The following ENPP6 variants were observed in gnomAD, a reference collection of about 807,000 sequenced individuals.
ENPP6 encodes the protein ectonucleotide pyrophosphatase/phosphodiesterase 6.
A neutral mutation model predicts 42.0 loss-of-function variants in ENPP6; 32 were observed. That is an observed-to-expected ratio of 0.76 (90% CI 0.58 to 1.02). The LOEUF (loss-of-function observed/expected upper bound fraction) is 1.02. Among genes scored for constraint, ENPP6 ranks in the 50% least tolerant of loss-of-function variants. The pLI, the probability that ENPP6 is intolerant of heterozygous loss-of-function variation, is 0.00. For missense variants in ENPP6, 552 were observed against 566.8 expected (o/e 0.97, Z 0.27); for synonymous variants, 213 against 216.0 (o/e 0.99, Z 0.12).
intron 1 of ENPP6, among the ~76,000 whole-genome samples, chr4:184,165,628 T>C (rs2310043): frequency 0.75 from 114,392 of 152,126 alleles, 43,525 homozygotes; most frequent in African/African-American, 0.83. Context: ...CAAAGTTTAC[T>C]GTAAATACCT....
Position 184,097,255 on chromosome 4 carries a change from G to A in ENPP6, c.1107C>T (p.Ala369=), listed in dbSNP as rs754498354. The A allele has an allele frequency of 1.4e-4, 220 of 1,614,188 alleles. 1 individual carries two copies. The East Asian group carries it at 4.8e-3, about 35-fold the overall frequency. Reference sequence around the variant, plus strand: ...CATTTCCTCGCCTACCAGGTCCGAAGGCCAGGAAGATGCCCCGCATGTCCA... The same window carrying A: ...CATTTCCTCGCCTACCAGGTCCGAAAGCCAGGAAGATGCCCCGCATGTCCA... The part of the protein sequence containing the change: ...ELMDMRGIFL[A]FGPDFKSNFR... The change falls in exon 7 of 8, where the codon GCC becomes GCT. Residue 369 remains alanine, a synonymous_variant. Transcript: ENST00000296741.
At chr4:184,132,012 A>T (rs1736645342) in intron 2 of ENPP6, among the ~76,000 whole-genome samples, 1 of 152,178 alleles carries the variant, frequency 6.6e-6, no homozygotes, top group Admixed American at 6.5e-5. Context: ...CAGAAGATGG[A>T]TGTCCCAGCT....
intron 1 of ENPP6, among the ~76,000 whole-genome samples, chr4:184,169,150 C>T (rs998932963): frequency 6.6e-6 from 1 of 152,210 alleles, no homozygotes; most frequent in Admixed American, 6.5e-5. Context: ...CTCCTGCGCC[C>T]TGCATGGCCC....
chr4:184,107,049 A>G (rs1736109533), intron 6 of ENPP6, among the ~76,000 whole-genome samples: 1 of 152,152 alleles, frequency 6.6e-6, no homozygotes, highest in Admixed American at 6.5e-5. Context: ...GCCCACCGTG[A>G]CATTGTGACA....
chr4:184,162,084 C>G (rs974322327), intron 1 of ENPP6, among the ~76,000 whole-genome samples: 3 of 151,992 alleles, frequency 2.0e-5, no homozygotes, highest in African/African-American at 7.2e-5. Flanking sequence ...ACAACTGCCC[C>G]CCTCCCCGCA....
chr4:184,195,280 C>T (rs985170688), intron 1 of ENPP6, among the ~76,000 whole-genome samples: 2 of 152,118 alleles, frequency 1.3e-5, no homozygotes, highest in Non-Finnish European at 2.9e-5. Flanking sequence ...TCCCTCCTCC[C>T]ACCCTCCGCT....
At chr4:184,160,996 T>G (rs371413166) in intron 1 of ENPP6, among the ~76,000 whole-genome samples, 3 of 152,134 alleles carry the variant, frequency 2.0e-5, no homozygotes, top group African/African-American at 7.2e-5. Flanking sequence ...TCAACATCTC[T>G]TCATGACAGA....
chr4:184,109,243 C>T (rs56121055), intron 6 of ENPP6, among the ~76,000 whole-genome samples: 2 of 134,024 alleles, frequency 1.5e-5, no homozygotes, highest in Non-Finnish European at 3.4e-5. Context: ...CAAAAAAAAA[C>T]AAAACAAACA....
chr4:184,121,122 T>C (rs1736409028), intron 3 of ENPP6, among the ~76,000 whole-genome samples: 1 of 152,214 alleles, frequency 6.6e-6, no homozygotes, highest in African/African-American at 2.4e-5. Flanking sequence ...AGTGGGTTAC[T>C]GGATATCAAG....
At position 184,208,440 on chromosome 4, in the gene ENPP6, T is replaced by G. The variant is rs1733038550; in HGVS notation, c.241+9139A>C. Among the ~76,000 whole-genome samples the G allele has an allele frequency of 2.6e-5, 4 of 151,862 alleles. No individual in the cohort carries two copies. In the South Asian group the frequency reaches 8.3e-4, roughly 32 times the overall value. On this transcript the variant is annotated intron_variant, in intron 1 of 7. Coordinates refer to ENST00000296741, the MANE Select transcript of ENPP6 (RefSeq NM_153343.4). Reference sequence around the variant, plus strand: ...TGCCTCACTTGGGAAGCACAAGGGGTCAGGGAGTTCCCTTTCCGAGTCAAA... The same window carrying G: ...TGCCTCACTTGGGAAGCACAAGGGGGCAGGGAGTTCCCTTTCCGAGTCAAA...
chr4:184,200,658 G>A (rs1339174547), intron 1 of ENPP6, among the ~76,000 whole-genome samples: 1 of 152,316 alleles, frequency 6.6e-6, no homozygotes, highest in East Asian at 1.9e-4. Context: ...AGGAGAAGCC[G>A]GCTCCTCTGC....
chr4:184,139,669 C>T (rs1736789439), intron 2 of ENPP6, among the ~76,000 whole-genome samples: 1 of 94,284 alleles, frequency 1.1e-5, no homozygotes, highest in African/African-American at 4.0e-5. Flanking sequence ...CATCCATGTC[C>T]CTACAAAGGA....
At chr4:184,194,044 C>G (rs370959271) in intron 1 of ENPP6, among the ~76,000 whole-genome samples, 1 of 152,168 alleles carries the variant, frequency 6.6e-6, no homozygotes, top group Non-Finnish European at 1.5e-5. Context: ...TTCCTTGTCT[C>G]CTTTGATACC....
chr4:184,157,950 G>A (rs1737201436), intron 1 of ENPP6, among the ~76,000 whole-genome samples: 4 of 151,864 alleles, frequency 2.6e-5, no homozygotes, highest in Admixed American at 6.6e-5. Flanking sequence ...ACATCTATAA[G>A]GTTGCTACTA....
At chr4:184,124,106 G>A in intron 3 of ENPP6, 55 bp downstream of exon 3, 1 of 1,371,608 alleles carries the variant, frequency 7.3e-7, no homozygotes, top group Non-Finnish European at 1.0e-6. Flanking sequence ...TAGGATCCAT[G>A]ATCAGTCCTG....
At chr4:184,120,222 G>A (rs1736394181) in intron 3 of ENPP6, among the ~76,000 whole-genome samples, 1 of 152,172 alleles carries the variant, frequency 6.6e-6, no homozygotes, top group South Asian at 2.1e-4. Context: ...GTACTCTACA[G>A]GGAGGAGGGT....
chr4:184,161,886 G>T (rs1373759219), intron 1 of ENPP6, among the ~76,000 whole-genome samples: 2 of 152,160 alleles, frequency 1.3e-5, no homozygotes, highest in Non-Finnish European at 2.9e-5. Context: ...TGGGGGAAAG[G>T]GTGGGAGGGG....
intron 2 of ENPP6, among the ~76,000 whole-genome samples, chr4:184,131,033 C>T (rs1014023851): frequency 2.6e-5 from 4 of 152,150 alleles, no homozygotes; most frequent in Admixed American, 1.3e-4. Flanking sequence ...TTAGGATACA[C>T]GCATTAAGAG....
chr4:184,197,991 C>A (rs1732830566), intron 1 of ENPP6, among the ~76,000 whole-genome samples: 1 of 152,044 alleles, frequency 6.6e-6, no homozygotes, highest in Admixed American at 6.6e-5. Context: ...TTGCTGTCGG[C>A]CTTAAGGGCG....
Sources: gnomAD v4.1 joint callset for allele counts (sites outside exome capture counted in the v4.1 genomes callset) on GRCh38, gnomAD v4.1.1 for gene constraint, MANE v1.5 for transcripts, NCBI Gene and HGNC (gene_info 2026-07-23, HGNC 2026-07-21) for gene names.